The following CTNNA3 variants were observed in gnomAD, a reference collection of about 807,000 sequenced individuals.
CTNNA3 encodes catenin alpha-3.
CTNNA3 carries 76 observed loss-of-function variants against 95.7 expected under a neutral mutation model. The ratio of observed to expected loss-of-function variants is 0.79; its 90% confidence interval spans 0.66 to 0.96. The LOEUF (loss-of-function observed/expected upper bound fraction) is 0.96. CTNNA3 is among the 40% of genes least tolerant of loss of function. The pLI is 0.00. For synonymous variants in CTNNA3, 431 were observed against 374.4 expected, an observed-to-expected ratio of 1.15 and a Z score of -1.74; for missense variants, 1,191 against 1,089.8, an observed-to-expected ratio of 1.09 and a Z score of -1.31.
chr10:66,466,612 T>C (rs1589290590), intron 11 of CTNNA3, among the ~76,000 whole-genome samples: 1 of 151,820 alleles, frequency 6.6e-6, no homozygotes, highest in East Asian at 1.9e-4. Context: ...AACCCTCTCC[T>C]GTGGAATTTC....
intron 17 of CTNNA3, among the ~76,000 whole-genome samples, chr10:65,953,373 C>CTTT (rs547832607): frequency 5.4e-4 from 79 of 147,240 alleles, no homozygotes; most frequent in African/African-American, 1.6e-3. Flanking sequence ...ATACTCACCT[C>CTTT]TTTTTTTTTT....
chr10:66,301,592 T>C (rs1224594794), intron 12 of CTNNA3, among the ~76,000 whole-genome samples: 2 of 151,840 alleles, frequency 1.3e-5, no homozygotes, highest in African/African-American at 4.8e-5. Context: ...ATTACTATAA[T>C]CCATCATATC....
At position 65,988,587 on chromosome 10, in the gene CTNNA3, A is replaced by G. The variant is rs1589220469; in HGVS notation, c.2265+105T>C. 1.8e-5 allele frequency: 14 copies of G among 763,138 alleles called. No individual in the cohort carries two copies. In the East Asian group the frequency reaches 3.4e-4, roughly 18 times the overall value. The allele number at this position is 763,138 out of a possible 1,614,324, so 47.3% of individuals were successfully genotyped here. ...TTAGAAATTCAATTATAATTTAGAA[A>G]AAATGGTTGAAGAGAGTAAAAATTT... On this transcript the variant is annotated intron_variant, in intron 16 of 17. Transcript: ENST00000433211.
At chr10:67,043,135 C>CTTTTT (rs34946963) in intron 7 of CTNNA3, among the ~76,000 whole-genome samples, 1 of 103,754 alleles carries the variant, frequency 9.6e-6, no homozygotes, top group Non-Finnish European at 2.2e-5. Flanking sequence ...CACTTTCTTT[C>CTTTTT]TTTTTTTTTT....
intron 14 of CTNNA3, among the ~76,000 whole-genome samples, chr10:66,070,404 C>T (rs1257706266): frequency 6.6e-6 from 1 of 152,124 alleles, no homozygotes; most frequent in African/African-American, 2.4e-5. Flanking sequence ...TGGGTTTTCT[C>T]CATCTTGACT....
At chr10:67,114,135 A>G (rs1343422557) in intron 7 of CTNNA3, among the ~76,000 whole-genome samples, 1 of 152,078 alleles carries the variant, frequency 6.6e-6, no homozygotes, top group Non-Finnish European at 1.5e-5. Context: ...ATTAATGTAT[A>G]TCAAAATATT....
chr10:65,962,690 A>C (rs868537599), intron 17 of CTNNA3, among the ~76,000 whole-genome samples: 1 of 151,978 alleles, frequency 6.6e-6, no homozygotes. Flanking sequence ...ATTCCTCCTA[A>C]TGTGATCCCT....
chr10:66,048,577 G>T (rs1010456494), intron 15 of CTNNA3, among the ~76,000 whole-genome samples: 1 of 152,062 alleles, frequency 6.6e-6, no homozygotes, highest in African/African-American at 2.4e-5. Context: ...TGGCTAACAC[G>T]GCGAAACCCC....
intron 13 of CTNNA3, among the ~76,000 whole-genome samples, chr10:66,225,675 T>C (rs1051329048): frequency 6.6e-6 from 1 of 151,778 alleles, no homozygotes; most frequent in Non-Finnish European, 1.5e-5. Flanking sequence ...AAAATAGATG[T>C]CCTAATTTAC....
intron 11 of CTNNA3, among the ~76,000 whole-genome samples, chr10:66,500,937 G>A (rs1326183726): frequency 2.0e-5 from 3 of 151,970 alleles, no homozygotes; most frequent in African/African-American, 7.2e-5. Flanking sequence ...CATTTTTTCT[G>A]GTTTAGAATT....
In CTNNA3 at chr10:67,346,734, ACTAT is replaced by A. The variant is rs146825752; in HGVS notation, c.580-126868_580-126865del. 3,372 of 508,310 alleles carry A rather than the reference ACTAT, an allele frequency of 6.6e-3. 84 individuals carry two copies. Among genetic ancestry groups the A allele is most frequent in the African/African-American group, 0.058 (2,989 of 51,654 alleles). The allele number at this position is 508,310 out of a possible 1,614,324, so 31.5% of individuals were successfully genotyped here. On this transcript the variant is annotated intron_variant, in intron 5 of 17. Coordinates refer to ENST00000433211, the MANE Select transcript of CTNNA3 (RefSeq NM_013266.4). ...GAAATAATCCAAATTTCTTCCCTCA[ACTAT>A]CTAATGTCAGGTCTCCTTCCTGAAG...
intron 6 of CTNNA3, among the ~76,000 whole-genome samples, chr10:67,198,873 T>C (rs1328697379): frequency 6.6e-6 from 1 of 152,188 alleles, no homozygotes; most frequent in African/African-American, 2.4e-5. Flanking sequence ...ATATTTATAG[T>C]CTTTAAAGTT....
At chr10:67,218,499 T>C (rs528742834) in intron 6 of CTNNA3, among the ~76,000 whole-genome samples, 1 of 152,100 alleles carries the variant, frequency 6.6e-6, no homozygotes, top group Non-Finnish European at 1.5e-5. Flanking sequence ...GCTTTGCGGG[T>C]CTAGCTGTCA....
intron 7 of CTNNA3, among the ~76,000 whole-genome samples, chr10:67,048,367 T>C (rs1332783415): frequency 2.0e-5 from 3 of 152,060 alleles, no homozygotes; most frequent in Non-Finnish European, 4.4e-5. Flanking sequence ...AGCCAGTACA[T>C]AGATAAATTC....
At chr10:66,804,702 A>G (rs1841570330) in intron 7 of CTNNA3, among the ~76,000 whole-genome samples, 1 of 152,096 alleles carries the variant, frequency 6.6e-6, no homozygotes, top group Admixed American at 6.6e-5. Flanking sequence ...AGTTATTTTC[A>G]GACCTAATCC....
intron 11 of CTNNA3, among the ~76,000 whole-genome samples, chr10:66,480,644 A>T (rs1839488662): frequency 6.6e-6 from 1 of 151,968 alleles, no homozygotes; most frequent in Non-Finnish European, 1.5e-5. Context: ...TCGCTCTGTC[A>T]CCCAGTCTGG....
intron 11 of CTNNA3, among the ~76,000 whole-genome samples, chr10:66,412,840 A>C (rs1435674233): frequency 6.6e-6 from 1 of 152,062 alleles, no homozygotes; most frequent in African/African-American, 2.4e-5. Flanking sequence ...TTGAAAAAAA[A>C]ATGAATTCAA....
intron 9 of CTNNA3, among the ~76,000 whole-genome samples, chr10:66,734,385 G>C (rs1849062666): frequency 6.6e-6 from 1 of 151,934 alleles, no homozygotes; most frequent in Non-Finnish European, 1.5e-5. Context: ...ATGGGAATCT[G>C]AACTATTAGT....
chr10:67,396,395 T>C (rs929039691), intron 5 of CTNNA3, among the ~76,000 whole-genome samples: 3 of 152,202 alleles, frequency 2.0e-5, no homozygotes, highest in Non-Finnish European at 2.9e-5. Context: ...AAAATTATCA[T>C]ATTGGTAAAA....
Sources: gnomAD v4.1 joint callset for allele counts (sites outside exome capture counted in the v4.1 genomes callset) on GRCh38, gnomAD v4.1.1 for gene constraint, MANE v1.5 for transcripts, NCBI Gene and HGNC (gene_info 2026-07-23, HGNC 2026-07-21) for gene names.